The following GRIK2 variants were observed in gnomAD, a reference collection of about 807,000 sequenced individuals.
GRIK2 encodes glutamate receptor ionotropic, kainate 2.
GRIK2 carries 32 observed loss-of-function variants against 100.3 expected under a neutral mutation model. The observed-to-expected ratio is 0.32, with a 90% confidence interval of 0.24 to 0.43. GRIK2 has a LOEUF of 0.43. Among genes scored for constraint, GRIK2 ranks in the 20% least tolerant of loss-of-function variants. The probability of loss-of-function intolerance (pLI) is 1.00; values close to 1 mark genes in which losing one functional copy is unlikely to be tolerated. For synonymous variants in GRIK2, 417 were observed against 389.4 expected, an observed-to-expected ratio of 1.07 and a Z score of -0.83; for missense variants, 843 against 1,114.9, an observed-to-expected ratio of 0.76 and a Z score of 3.47.
chr6:101,746,815 A>G (rs900664018), intron 7 of GRIK2, among the ~76,000 whole-genome samples: 1 of 152,120 alleles, frequency 6.6e-6, no homozygotes, highest in Non-Finnish European at 1.5e-5. Flanking sequence ...ATACTCCCAA[A>G]CACACCCATA....
intron 7 of GRIK2, among the ~76,000 whole-genome samples, chr6:101,708,842 T>A (rs1583000461): frequency 6.6e-6 from 1 of 151,762 alleles, no homozygotes; most frequent in Non-Finnish European, 1.5e-5. Context: ...AACAAAGATA[T>A]GTTGAAATCC....
chr6:101,930,286 G>A (rs1057230905), intron 14 of GRIK2, among the ~76,000 whole-genome samples: 1 of 151,584 alleles, frequency 6.6e-6, no homozygotes, highest in South Asian at 2.1e-4. Context: ...AGGTTGTAGT[G>A]AGCTAAGATG....
At chr6:101,847,700 C>A (rs907515912) in intron 10 of GRIK2, among the ~76,000 whole-genome samples, 3 of 152,046 alleles carry the variant, frequency 2.0e-5, no homozygotes, top group Admixed American at 6.6e-5. Flanking sequence ...TTGCATGGAG[C>A]CTGAATCTAG....
At chr6:101,977,516 A>C (rs750087999) in intron 14 of GRIK2, among the ~76,000 whole-genome samples, 1 of 151,936 alleles carries the variant, frequency 6.6e-6, no homozygotes, top group Non-Finnish European at 1.5e-5. Context: ...ACCAATGTGG[A>C]GTCCCCAGGC....
intron 2 of GRIK2, among the ~76,000 whole-genome samples, chr6:101,488,756 A>G (rs1253310933): frequency 6.8e-6 from 1 of 146,356 alleles, no homozygotes; most frequent in Non-Finnish European, 1.5e-5. Flanking sequence ...TAATGCTTCT[A>G]TTTAATTTTC....
At chr6:101,395,478 T>C (rs1449331223) in intron 1 of GRIK2, among the ~76,000 whole-genome samples, 3 of 152,198 alleles carry the variant, frequency 2.0e-5, no homozygotes. Context: ...GCAAAAGGTA[T>C]AGGCATTGTC....
At chr6:102,062,975 A>T (rs962670610) in intron 16 of GRIK2, among the ~76,000 whole-genome samples, 2 of 150,652 alleles carry the variant, frequency 1.3e-5, no homozygotes, top group African/African-American at 4.8e-5. Flanking sequence ...ATTTGTTTCC[A>T]CTACATGTGA....
At chr6:101,516,782 G>A (rs967686320) in intron 2 of GRIK2, among the ~76,000 whole-genome samples, 5 of 151,990 alleles carry the variant, frequency 3.3e-5, no homozygotes, top group Non-Finnish European at 2.9e-5. Context: ...CCAGCAAAAG[G>A]CAAGTATATA....
chr6:102,047,996 GC>G (rs965308206), intron 15 of GRIK2, among the ~76,000 whole-genome samples: 92 of 151,394 alleles, frequency 6.1e-4, no homozygotes, highest in African/African-American at 2.1e-3. Context: ...GCATGGTACT[GC>G]CCCCCTCCCA....
intron 10 of GRIK2, among the ~76,000 whole-genome samples, chr6:101,838,900 ACGTTGG>A (rs1783320223): frequency 6.6e-6 from 1 of 152,092 alleles, no homozygotes; most frequent in Non-Finnish European, 1.5e-5. Flanking sequence ...TGAACCACCT[ACGTTGG>A]CCTTCTGAAG....
intron 2 of GRIK2, among the ~76,000 whole-genome samples, chr6:101,458,680 G>GT (rs1771135480): frequency 6.6e-6 from 1 of 152,116 alleles, no homozygotes. Context: ...CTAGACAATC[G>GT]TATCTGGTAC....
chr6:101,723,322 C>T (rs1774623033), intron 7 of GRIK2, among the ~76,000 whole-genome samples: 1 of 151,902 alleles, frequency 6.6e-6, no homozygotes, highest in African/African-American at 2.4e-5. Context: ...CAGTGTTTAT[C>T]CATTCCATTA....
intron 7 of GRIK2, among the ~76,000 whole-genome samples, chr6:101,720,035 A>G (rs1774365192): frequency 6.6e-6 from 1 of 152,044 alleles, no homozygotes; most frequent in Non-Finnish European, 1.5e-5. Flanking sequence ...ATTTTAAGAA[A>G]AAAAGATACT....
intron 12 of GRIK2, among the ~76,000 whole-genome samples, chr6:101,896,947 A>T (rs998218516): frequency 6.6e-6 from 1 of 151,596 alleles, no homozygotes; most frequent in African/African-American, 2.4e-5. Flanking sequence ...CTACCAAAAA[A>T]TGGCACCTCT....
At position 101,708,370 on chromosome 6, in the gene GRIK2, T is replaced by G. The variant is rs982635886; in HGVS notation, c.951+22017T>G. On this transcript the variant is annotated intron_variant, in intron 7 of 16. Coordinates refer to ENST00000369134, the MANE Select transcript of GRIK2 (RefSeq NM_021956.5). ...AAATTATCTTAGTTGCTTTTTGTGA[T>G]ACTACATTATTATTTTAATAAAATA... Among the ~76,000 whole-genome samples, 55 of 151,812 alleles carry G rather than the reference T, an allele frequency of 3.6e-4. 2 individuals are homozygous for G. Among genetic ancestry groups the G allele is most frequent in the Admixed American group, 3.3e-4 (5 of 15,196 alleles).
At chr6:101,438,599 A>G (rs1329355506) in intron 2 of GRIK2, among the ~76,000 whole-genome samples, 1 of 152,132 alleles carries the variant, frequency 6.6e-6, no homozygotes, top group Non-Finnish European at 1.5e-5. Flanking sequence ...CCATCAAGAA[A>G]TGTGCTCAAC....
intron 11 of GRIK2, among the ~76,000 whole-genome samples, chr6:101,863,933 C>T (rs902422450): frequency 6.6e-6 from 1 of 150,966 alleles, no homozygotes; most frequent in South Asian, 2.1e-4. Flanking sequence ...GTCAGGAGAT[C>T]GAGACCATCC....
intron 2 of GRIK2, among the ~76,000 whole-genome samples, chr6:101,482,748 G>A (rs1035003304): frequency 1.3e-5 from 2 of 151,928 alleles, no homozygotes; most frequent in African/African-American, 4.8e-5. Flanking sequence ...GTAGGAAGGA[G>A]GAAGAAGTAA....
At chr6:101,427,858 C>G (rs1263537958) in intron 2 of GRIK2, among the ~76,000 whole-genome samples, 1 of 152,136 alleles carries the variant, frequency 6.6e-6, no homozygotes, top group East Asian at 1.9e-4. Context: ...TAGCAATTCA[C>G]AGCTAAAAGA....
Sources: gnomAD v4.1 joint callset for allele counts (sites outside exome capture counted in the v4.1 genomes callset) on GRCh38, gnomAD v4.1.1 for gene constraint, MANE v1.5 for transcripts, NCBI Gene and HGNC (gene_info 2026-07-23, HGNC 2026-07-21) for gene names.